NPAS3: variants seen among roughly 807,000 people sequenced by gnomAD.
NPAS3 encodes the protein neuronal PAS domain-containing protein 3.
A neutral mutation model predicts 73.1 loss-of-function variants in NPAS3; 14 were observed. That is an observed-to-expected ratio of 0.19 (90% CI 0.13 to 0.30). NPAS3 has a LOEUF of 0.30. Among genes scored for constraint, NPAS3 ranks in the 10% least tolerant of loss-of-function variants. The probability of loss-of-function intolerance (pLI) is 1.00; values close to 1 mark genes in which losing one functional copy is unlikely to be tolerated. For synonymous variants in NPAS3, 620 were observed against 541.5 expected, an observed-to-expected ratio of 1.14 and a Z score of -2.01; for missense variants, 1,096 against 1,250.0, an observed-to-expected ratio of 0.88 and a Z score of 1.86.
intron 5 of NPAS3, among the ~76,000 whole-genome samples, chr14:33,644,145 A>G (rs2058755806): frequency 6.6e-6 from 1 of 152,218 alleles, no homozygotes; most frequent in South Asian, 2.1e-4. Flanking sequence ...TAAAAATTAT[A>G]CATGAGTTCA....
intron 6 of NPAS3, chr14:33,680,901 T>C (rs931506578): frequency 4.1e-6 from 2 of 487,074 alleles, no homozygotes; most frequent in Non-Finnish European, 7.2e-6. Flanking sequence ...ATCTAGCCTG[T>C]TTTGTGGCAT....
chr14:33,421,662 A>T (rs1241770044), intron 4 of NPAS3, among the ~76,000 whole-genome samples: 3 of 151,930 alleles, frequency 2.0e-5, no homozygotes, highest in Non-Finnish European at 4.4e-5. Context: ...CTCTGTATGA[A>T]GGTTTAGGCA....
At chr14:33,452,499 G>C (rs373823978) in intron 4 of NPAS3, among the ~76,000 whole-genome samples, 1 of 152,076 alleles carries the variant, frequency 6.6e-6, no homozygotes, top group Non-Finnish European at 1.5e-5. Context: ...ATGGCCGGGC[G>C]TGTTGGCTCA....
At chr14:33,802,080 G>A (rs967831855), downstream of NPAS3, 4 of 152,188 alleles carry the variant, frequency 2.6e-5, no homozygotes, top group Non-Finnish European at 5.9e-5. Flanking sequence ...AGCAGTTTAG[G>A]TACATACTGC....
At chr14:33,162,331 A>G (rs1194119114) in intron 2 of NPAS3, among the ~76,000 whole-genome samples, 1 of 151,910 alleles carries the variant, frequency 6.6e-6, no homozygotes, top group East Asian at 1.9e-4. Context: ...TTTTCTCCCT[A>G]TGGTATTTTC....
rs528192492 is a variant in NPAS3 at position 33,721,978 on chromosome 14, C to T, written c.734-13236C>T. Among the ~76,000 whole-genome samples the T allele has an allele frequency of 4.6e-5, 7 of 152,270 alleles. No homozygotes were observed. In the South Asian group the frequency reaches 1.4e-3, roughly 32 times the overall value. On this transcript the variant is annotated intron_variant, in intron 6 of 11. Transcript: ENST00000356141. ...GGTCGAATAATTGAAGACCCCAGAA[C>T]AAGGGCAACCATAAATACCTGGAGT...
chr14:33,440,885 C>T (rs1408921881), intron 4 of NPAS3, among the ~76,000 whole-genome samples: 2 of 151,242 alleles, frequency 1.3e-5, no homozygotes, highest in Non-Finnish European at 3.0e-5. Flanking sequence ...CAAAGTTAAA[C>T]TCCATCTCAA....
chr14:33,634,508 G>A (rs1179516189), intron 5 of NPAS3, among the ~76,000 whole-genome samples: 2 of 152,208 alleles, frequency 1.3e-5, no homozygotes, highest in Non-Finnish European at 2.9e-5. Flanking sequence ...TGAGGCCATA[G>A]TCCACGTATA....
chr14:33,089,868 T>G (rs1051219194), intron 2 of NPAS3, among the ~76,000 whole-genome samples: 1 of 152,174 alleles, frequency 6.6e-6, no homozygotes, highest in African/African-American at 2.4e-5. Flanking sequence ...AAAAGAATTT[T>G]CAACCTAAAA....
At chr14:33,535,283 A>G (rs1367766456) in intron 4 of NPAS3, among the ~76,000 whole-genome samples, 1 of 152,212 alleles carries the variant, frequency 6.6e-6, no homozygotes, top group Non-Finnish European at 1.5e-5. Flanking sequence ...CCTTAGGCAT[A>G]TGACTTTCTA....
chr14:33,115,587 C>A (rs1388688133), intron 2 of NPAS3, among the ~76,000 whole-genome samples: 1 of 152,190 alleles, frequency 6.6e-6, no homozygotes, highest in Middle Eastern at 3.4e-3. Context: ...TAACTAGAGA[C>A]ATTGAGTAAA....
intron 4 of NPAS3, among the ~76,000 whole-genome samples, chr14:33,397,134 C>A (rs925451508): frequency 6.6e-6 from 1 of 152,030 alleles, no homozygotes; most frequent in Non-Finnish European, 1.5e-5. Flanking sequence ...ATAATGACAC[C>A]TAAGAGGCCA....
intron 3 of NPAS3, among the ~76,000 whole-genome samples, chr14:33,316,634 T>C (rs1281512007): frequency 2.0e-5 from 3 of 152,122 alleles, no homozygotes; most frequent in Non-Finnish European, 4.4e-5. Context: ...TATATTCTTA[T>C]CTGGACCATT....
intron 3 of NPAS3, among the ~76,000 whole-genome samples, chr14:33,260,531 T>C (rs1020850568): frequency 6.6e-6 from 1 of 152,196 alleles, no homozygotes; most frequent in Non-Finnish European, 1.5e-5. Flanking sequence ...GCCTCTTCAG[T>C]TTTCTGCTGC....
intron 3 of NPAS3, among the ~76,000 whole-genome samples, chr14:33,323,152 C>A (rs528600320): frequency 6.6e-6 from 1 of 152,294 alleles, no homozygotes; most frequent in African/African-American, 2.4e-5. Context: ...TACAGCACAT[C>A]AGGGTCGCCA....
chr14:33,581,939 T>C (rs1389701334), intron 5 of NPAS3: 1 of 152,210 alleles, frequency 6.6e-6, no homozygotes, highest in African/African-American at 2.4e-5. Context: ...CCTTTCTTTC[T>C]ATAGGTGTGC....
chr14:33,727,214 G>A (rs2061292512), intron 6 of NPAS3, among the ~76,000 whole-genome samples: 1 of 152,118 alleles, frequency 6.6e-6, no homozygotes, highest in Non-Finnish European at 1.5e-5. Context: ...CCCATGGATG[G>A]CCGCAGAGAA....
rs146565203 is a variant in NPAS3, at chr14:33,696,467, C to T, written c.733+20082C>T. 2.2e-3 allele frequency among the ~76,000 whole-genome samples: 342 copies of T among 152,308 alleles called. 1 individual carries two copies. Among genetic ancestry groups the T allele is most frequent in the African/African-American group, 7.4e-3 (309 of 41,564 alleles). ...TAAACACGAGAGTGCTTCATGAAAA[C>T]ATGAAGCGTTTCATTTGAAAAGCTC... On this transcript the variant is annotated intron_variant, in intron 6 of 11. Transcript: ENST00000356141.
intron 4 of NPAS3, among the ~76,000 whole-genome samples, chr14:33,409,513 A>G (rs1001126198): frequency 6.6e-6 from 1 of 152,222 alleles, no homozygotes; most frequent in Non-Finnish European, 1.5e-5. Context: ...CTATCTCTAT[A>G]AACTCATTTT....
Sources: allele counts gnomAD v4.1 joint callset (sites outside exome capture counted in the v4.1 genomes callset), GRCh38; gene constraint gnomAD v4.1.1; transcripts MANE v1.5; gene names NCBI Gene and HGNC (gene_info 2026-07-23, HGNC 2026-07-21).